Variants in PPARGC1A observed in about 807,000 individuals in gnomAD.
PPARGC1A encodes peroxisome proliferator-activated receptor gamma coactivator 1-alpha.
PPARGC1A carries 25 observed loss-of-function variants against 88.7 expected under a neutral mutation model. That is an observed-to-expected ratio of 0.28 (90% CI 0.21 to 0.39). The LOEUF is 0.39. PPARGC1A is among the 10% of genes least tolerant of loss of function. PPARGC1A has a pLI of 1.00. For synonymous variants in PPARGC1A, 363 were observed against 355.6 expected (o/e 1.02, Z -0.24); for missense variants, 880 against 968.7 (o/e 0.91, Z 1.22).
chr4:24,323,601 A>G, the PPARGC1A span, among the ~76,000 whole-genome samples: 15 of 151,822 alleles, frequency 9.9e-5, no homozygotes, highest in Non-Finnish European at 1.8e-4. Flanking sequence ...CCCCACCCCT[A>G]TCTCCCTTCA....
chr4:24,080,641 G>C, the PPARGC1A span, among the ~76,000 whole-genome samples: 2 of 152,064 alleles, frequency 1.3e-5, no homozygotes, highest in African/African-American at 4.8e-5. Context: ...TTTTTACTCA[G>C]TGCTTTCTGT....
At chr4:24,357,034 C>A in the PPARGC1A span, among the ~76,000 whole-genome samples, 20,263 of 152,004 alleles carry the variant, frequency 0.13, 1,504 homozygotes, top group Non-Finnish European at 0.16. Flanking sequence ...TAATGGGAGT[C>A]GGGTAATACT....
At chr4:24,140,778 ACC>A in the PPARGC1A span, among the ~76,000 whole-genome samples, 1 of 151,950 alleles carries the variant, frequency 6.6e-6, no homozygotes, top group Admixed American at 6.6e-5. Flanking sequence ...ATTCATTCAA[ACC>A]CCCAGCTCCT....
chr4:24,109,036 C>CACACACA, the PPARGC1A span, among the ~76,000 whole-genome samples: 3 of 128,620 alleles, frequency 2.3e-5, no homozygotes, highest in African/African-American at 1.1e-4. Flanking sequence ...CACACACACA[C>CACACACA]CACACACACA....
chr4:23,919,455 C>T, the PPARGC1A span, among the ~76,000 whole-genome samples: 1 of 151,526 alleles, frequency 6.6e-6, no homozygotes, highest in Non-Finnish European at 1.5e-5. Flanking sequence ...ACCTACCATC[C>T]TATGATTTTA....
chr4:23,832,612 CT>C (rs570752359), intron 2 of PPARGC1A, among the ~76,000 whole-genome samples: 6,518 of 131,688 alleles, frequency 0.049, 138 homozygotes, highest in Middle Eastern at 0.11. Context: ...TTTTCTTTTT[CT>C]TTTTTTTTTT....
chr4:24,153,239 C>T, the PPARGC1A span, among the ~76,000 whole-genome samples: 1 of 152,074 alleles, frequency 6.6e-6, no homozygotes, highest in Non-Finnish European at 1.5e-5. Context: ...CAAAAATAGC[C>T]TCGTCGATGA....
the PPARGC1A span, among the ~76,000 whole-genome samples, chr4:24,028,661 AG>A: frequency 6.6e-6 from 1 of 152,194 alleles, no homozygotes; most frequent in Non-Finnish European, 1.5e-5. Context: ...CTGTAGCCAT[AG>A]AAAGTTATTT....
chr4:24,466,460 G>A, the PPARGC1A span, among the ~76,000 whole-genome samples: 646 of 152,252 alleles, frequency 4.2e-3, 4 homozygotes, highest in African/African-American at 0.015. Context: ...CCTGACTAGC[G>A]CTGAGACCTT....
the PPARGC1A span, among the ~76,000 whole-genome samples, chr4:24,186,467 G>A: frequency 6.6e-6 from 1 of 152,110 alleles, no homozygotes; most frequent in Non-Finnish European, 1.5e-5. Flanking sequence ...TCCTGACTGC[G>A]TGACCTTGGG....
the PPARGC1A span, among the ~76,000 whole-genome samples, chr4:24,189,667 A>G: frequency 6.6e-6 from 1 of 152,026 alleles, no homozygotes; most frequent in Admixed American, 6.5e-5. Context: ...TTGTATTCAC[A>G]ATTTGTTCAT....
intron 12 of PPARGC1A, among the ~76,000 whole-genome samples, chr4:23,796,968 ATGT>A (rs1279270456): frequency 2.0e-5 from 3 of 151,980 alleles, no homozygotes; most frequent in Non-Finnish European, 4.4e-5. Flanking sequence ...TTGACCTAAA[ATGT>A]TGTTTTGCTG....
the PPARGC1A span, among the ~76,000 whole-genome samples, chr4:24,083,066 G>T: frequency 6.6e-6 from 1 of 152,128 alleles, no homozygotes; most frequent in African/African-American, 2.4e-5. Context: ...GGCAGATGAG[G>T]GCACTGGTTA....
chr4:24,174,613 T>C, the PPARGC1A span, among the ~76,000 whole-genome samples: 1 of 152,184 alleles, frequency 6.6e-6, no homozygotes, highest in Non-Finnish European at 1.5e-5. Context: ...GTCATGGTTG[T>C]CCCCATTTGA....
At chr4:24,263,115 C>A in the PPARGC1A span, among the ~76,000 whole-genome samples, 1 of 152,062 alleles carries the variant, frequency 6.6e-6, no homozygotes, top group Non-Finnish European at 1.5e-5. Flanking sequence ...TGAATCTAAC[C>A]ATTTACTCTT....
intron 5 of PPARGC1A, among the ~76,000 whole-genome samples, chr4:23,825,919 C>A (rs542884063): frequency 4.2e-4 from 64 of 152,208 alleles, no homozygotes; most frequent in African/African-American, 1.1e-3. Flanking sequence ...AGAAACTTTA[C>A]CAAGTTTTAT....
the PPARGC1A span, among the ~76,000 whole-genome samples, chr4:24,372,207 C>T: frequency 6.6e-6 from 1 of 152,180 alleles, no homozygotes; most frequent in African/African-American, 2.4e-5. Flanking sequence ...CGACCTTGAG[C>T]ACGTCATTTA....
intron 2 of PPARGC1A, among the ~76,000 whole-genome samples, chr4:23,864,164 T>A (rs1420758420): frequency 6.6e-6 from 1 of 152,244 alleles, no homozygotes; most frequent in Non-Finnish European, 1.5e-5. Context: ...ATCAGGCCAA[T>A]GCTCACATGT....
At chr4:23,949,833 A>G in the PPARGC1A span, among the ~76,000 whole-genome samples, 1 of 152,110 alleles carries the variant, frequency 6.6e-6, no homozygotes, top group Non-Finnish European at 1.5e-5. Flanking sequence ...ACATGCCATC[A>G]CTCATTCAAA....
Sources: gnomAD v4.1 joint callset for allele counts (sites outside exome capture counted in the v4.1 genomes callset) on GRCh38, gnomAD v4.1.1 for gene constraint, MANE v1.5 for transcripts, NCBI Gene and HGNC (gene_info 2026-07-23, HGNC 2026-07-21) for gene names.